Variants in GRIP1 observed in about 807,000 individuals in gnomAD.
GRIP1 encodes glutamate receptor-interacting protein 1.
In GRIP1, 45 loss-of-function variants were observed where a neutral mutation model predicts 129.9. The ratio of observed to expected loss-of-function variants is 0.35; its 90% confidence interval spans 0.27 to 0.44. The LOEUF is 0.44. GRIP1 is among the 20% of genes least tolerant of loss of function. GRIP1 has a pLI of 1.00. For missense variants in GRIP1, 1,196 were observed against 1,396.8 expected (o/e 0.86, Z 2.29); for synonymous variants, 530 against 520.8 (o/e 1.02, Z -0.24).
intron 16 of GRIP1, among the ~76,000 whole-genome samples, chr12:66,395,725 T>A (rs1341490402): frequency 6.6e-6 from 1 of 152,200 alleles, no homozygotes; most frequent in Non-Finnish European, 1.5e-5. Context: ...CACACTGCAA[T>A]GCTTAAGTCA....
chr12:66,880,585 G>A (rs1032607225), intron 1 of GRIP1, among the ~76,000 whole-genome samples: 20 of 152,000 alleles, frequency 1.3e-4, no homozygotes, highest in African/African-American at 4.8e-4. Context: ...TTATTTATAA[G>A]GATTCAATGG....
chr12:66,857,486 G>T (rs1304069768), intron 1 of GRIP1, among the ~76,000 whole-genome samples: 1 of 151,372 alleles, frequency 6.6e-6, no homozygotes, highest in African/African-American at 2.4e-5. Context: ...GTCACTCACA[G>T]TGAATCTGTA....
intron 23 of GRIP1, 85 bp downstream of exon 23, chr12:66,371,609 A>G (rs2137292279): frequency 1.2e-6 from 1 of 864,006 alleles, no homozygotes; most frequent in East Asian, 2.4e-5. Flanking sequence ...GGAGGATACC[A>G]TTGCCATGCT....
intron 1 of GRIP1, among the ~76,000 whole-genome samples, chr12:66,606,255 T>C (rs1219484012): frequency 6.6e-6 from 1 of 152,168 alleles, no homozygotes; most frequent in African/African-American, 2.4e-5. Context: ...GAGTGCAAAG[T>C]CGATGGCAGG....
intron 1 of GRIP1, among the ~76,000 whole-genome samples, chr12:66,960,592 A>G (rs887268000): frequency 1.3e-5 from 2 of 152,142 alleles, no homozygotes; most frequent in African/African-American, 4.8e-5. Context: ...TAATTCAAAG[A>G]TTGTGGATGG....
chr12:66,888,179 C>A lies in GRIP1; in HGVS notation c.58+180871G>T, dbSNP rs571519952. 4.5e-4 allele frequency among the ~76,000 whole-genome samples: 69 copies of A among 152,092 alleles called. 1 individual carries two copies. The highest frequency in any genetic ancestry group is 1.5e-3 in the African/African-American group (61 of 41,480). ...CAAGTGATCCTCCCACCTCAGCCTC[C>A]TGAGTAGCTGGAACCACAGGCGCAC... On this transcript the variant is annotated intron_variant, in intron 1 of 1. Coordinates refer to the GRIP1 transcript ENST00000643019.
intron 1 of GRIP1, among the ~76,000 whole-genome samples, chr12:66,900,766 A>G (rs1207674619): frequency 6.6e-6 from 1 of 152,160 alleles, no homozygotes; most frequent in Non-Finnish European, 1.5e-5. Flanking sequence ...ACTTCTACCT[A>G]ATCTCATTGA....
At chr12:66,923,049 C>T (rs1313922987) in intron 1 of GRIP1, among the ~76,000 whole-genome samples, 1 of 152,184 alleles carries the variant, frequency 6.6e-6, no homozygotes, top group Non-Finnish European at 1.5e-5. Flanking sequence ...AAGCCCTTCG[C>T]TACCTACCTC....
intron 1 of GRIP1, among the ~76,000 whole-genome samples, chr12:67,001,677 G>C (rs558638745): frequency 6.6e-6 from 1 of 152,188 alleles, no homozygotes; most frequent in Admixed American, 6.5e-5. Context: ...CTAAACAGCA[G>C]CTGTCACAGG....
chr12:66,487,037 C>T (rs1237045040), intron 7 of GRIP1, among the ~76,000 whole-genome samples: 2 of 152,112 alleles, frequency 1.3e-5, no homozygotes, highest in Admixed American at 1.3e-4. Flanking sequence ...GTGATCCTCC[C>T]AACTCAGCCT....
chr12:66,620,360 C>T (rs1448899970), intron 1 of GRIP1, among the ~76,000 whole-genome samples: 1 of 152,148 alleles, frequency 6.6e-6, no homozygotes, highest in Admixed American at 6.6e-5. Flanking sequence ...TGCAATGCCA[C>T]CATCCAGGAC....
chr12:67,052,575 C>G (rs1028539452), intron 1 of GRIP1, among the ~76,000 whole-genome samples: 2 of 151,996 alleles, frequency 1.3e-5, no homozygotes, highest in Non-Finnish European at 2.9e-5. Context: ...CTGGCTAATA[C>G]AGTGAAACCC....
intron 1 of GRIP1, among the ~76,000 whole-genome samples, chr12:66,651,919 T>C (rs890945586): frequency 1.3e-5 from 2 of 152,130 alleles, no homozygotes; most frequent in African/African-American, 4.8e-5. Context: ...ATGTACACCA[T>C]ATTTTGAGAG....
intron 1 of GRIP1, among the ~76,000 whole-genome samples, chr12:66,828,032 C>T (rs1206158786): frequency 6.6e-6 from 1 of 152,158 alleles, no homozygotes; most frequent in Non-Finnish European, 1.5e-5. Context: ...ACTGTCAAAT[C>T]CTGGACTTGC....
chr12:66,382,956 C>G (rs955373079), intron 19 of GRIP1, among the ~76,000 whole-genome samples: 1 of 152,000 alleles, frequency 6.6e-6, no homozygotes, highest in Admixed American at 6.6e-5. Context: ...GACATATAAG[C>G]TTGCAGTTAG....
At chr12:66,526,318 T>C (rs777126821) in intron 5 of GRIP1, among the ~76,000 whole-genome samples, 2 of 152,102 alleles carry the variant, frequency 1.3e-5, no homozygotes, top group Non-Finnish European at 2.9e-5. Context: ...ATGGTACTGG[T>C]ACAAAAACAC....
intron 5 of GRIP1, among the ~76,000 whole-genome samples, chr12:66,518,704 T>C (rs909062224): frequency 2.0e-5 from 3 of 152,212 alleles, no homozygotes; most frequent in Admixed American, 2.0e-4. Flanking sequence ...GCCTACTTAC[T>C]AGATGTGAGG....
At chr12:66,892,538 T>C (rs1286968713) in intron 1 of GRIP1, among the ~76,000 whole-genome samples, 1 of 152,080 alleles carries the variant, frequency 6.6e-6, no homozygotes, top group African/African-American at 2.4e-5. Flanking sequence ...TTTATCTAAA[T>C]GAGAGACCTT....
At chr12:66,797,739 T>G (rs1034918166) in intron 1 of GRIP1, among the ~76,000 whole-genome samples, 1 of 152,140 alleles carries the variant, frequency 6.6e-6, no homozygotes, top group Non-Finnish European at 1.5e-5. Context: ...CTAGAGACCT[T>G]AAGGACTGGA....
Sources: allele counts gnomAD v4.1 joint callset (sites outside exome capture counted in the v4.1 genomes callset), GRCh38; gene constraint gnomAD v4.1.1; transcripts MANE v1.5; gene names NCBI Gene and HGNC (gene_info 2026-07-23, HGNC 2026-07-21).